The following RNF111 variants were observed in gnomAD, a reference collection of about 807,000 sequenced individuals.
RNF111 encodes the protein E3 ubiquitin-protein ligase Arkadia.
In RNF111, 17 loss-of-function variants were observed where a neutral mutation model predicts 95.1. That is an observed-to-expected ratio of 0.18 (90% confidence interval 0.12 to 0.27). RNF111 has a LOEUF of 0.27. Among genes scored for constraint, RNF111 ranks in the 10% least tolerant of loss-of-function variants. The probability of loss-of-function intolerance (pLI) is 1.00; values close to 1 mark genes in which losing one functional copy is unlikely to be tolerated. For missense variants in RNF111, 1,189 were observed against 1,210.4 expected (o/e 0.98, Z 0.26); for synonymous variants, 440 against 414.8 (o/e 1.06, Z -0.74).
At chr15:59,050,491 A>G (rs1298355913) in intron 2 of RNF111, 1 of 152,252 alleles carries the variant, frequency 6.6e-6, no homozygotes, top group Non-Finnish European at 1.5e-5. Context: ...TTTAAAAAGT[A>G]GACTTACCCT....
intron 3 of RNF111, among the ~76,000 whole-genome samples, chr15:59,052,635 A>G (rs2042039423): frequency 8.3e-6 from 1 of 120,670 alleles, no homozygotes; most frequent in Non-Finnish European, 1.6e-5. Context: ...CTGGACTTCT[A>G]CCCCTTGGCT....
At chr15:59,056,005 T>G (rs1249167559) in intron 4 of RNF111, among the ~76,000 whole-genome samples, 160 bp downstream of exon 4, 1 of 152,230 alleles carries the variant, frequency 6.6e-6, no homozygotes. Flanking sequence ...ATCCTAGGCT[T>G]GTAAATTTAC....
intron 1 of RNF111, chr15:58,988,437 A>G (rs570313337): frequency 1.3e-5 from 2 of 152,614 alleles, no homozygotes; most frequent in Admixed American, 6.5e-5. Context: ...GGAGGGCGCT[A>G]AGTCAGCCCT....
chr15:59,046,988 C>T (rs553913906), intron 2 of RNF111, among the ~76,000 whole-genome samples: 1 of 152,036 alleles, frequency 6.6e-6, no homozygotes, highest in Admixed American at 6.6e-5. Flanking sequence ...CCACCTCAGC[C>T]TCCGGAGTAG....
rs1337186880 is a variant in RNF111, at chr15:59,096,093, A to G, written c.*1193A>G. On this transcript the variant is annotated 3_prime_UTR_variant, in exon 14 of 14. Transcript: ENST00000348370. ...CTTCATACATTACCAAGAGTCGATCACTGATTTAAAATTTTTAATTTCTAT... is the reference window on the plus strand; with the variant it reads ...CTTCATACATTACCAAGAGTCGATCGCTGATTTAAAATTTTTAATTTCTAT... The G allele has an allele frequency of 4.3e-5, 17 of 398,496 alleles. No homozygotes were observed. The highest frequency in any genetic ancestry group is 4.9e-5 in the Non-Finnish European group (11 of 225,832). 24.7% of individuals were successfully genotyped at this position (398,496 alleles called of 1,614,324 possible).
At chr15:59,055,247 C>G (rs1326992688) in intron 3 of RNF111, among the ~76,000 whole-genome samples, 3 of 152,128 alleles carry the variant, frequency 2.0e-5, no homozygotes, top group Admixed American at 2.0e-4. Flanking sequence ...AGAAGCTTAG[C>G]TTGGTTTAGG....
At chr15:59,071,812 C>A (rs1320703080) in intron 6 of RNF111, among the ~76,000 whole-genome samples, 1 of 152,136 alleles carries the variant, frequency 6.6e-6, no homozygotes, top group South Asian at 2.1e-4. Flanking sequence ...ATTCCTAATA[C>A]AAGCATACCT....
intron 12 of RNF111, 43 bp downstream of exon 12, chr15:59,091,197 G>A (rs1415176865): frequency 6.1e-6 from 7 of 1,152,086 alleles, no homozygotes; most frequent in Admixed American, 1.8e-5. Flanking sequence ...TTACTGAAAG[G>A]CATAAATGTA....
chr15:59,006,609 G>C (rs146390613), intron 1 of RNF111, among the ~76,000 whole-genome samples: 274 of 151,994 alleles, frequency 1.8e-3, no homozygotes, highest in African/African-American at 6.4e-3. Context: ...CTATTTTTTT[G>C]CTTTACATTT....
intron 12 of RNF111, 34 bp from the exon 13 acceptor site, chr15:59,092,503 T>C (rs1448968994): frequency 1.3e-6 from 2 of 1,595,498 alleles, no homozygotes; most frequent in East Asian, 2.3e-5. Context: ...ATGTCATCTC[T>C]ACTAATAAGG....
intron 6 of RNF111, among the ~76,000 whole-genome samples, chr15:59,067,439 C>A (rs1330326263): frequency 6.6e-6 from 1 of 152,026 alleles, no homozygotes; most frequent in Non-Finnish European, 1.5e-5. Flanking sequence ...ACCAACCCAC[C>A]TTTCTTTTTT....
chr15:59,055,235 C>T (rs953851700), intron 3 of RNF111, among the ~76,000 whole-genome samples: 3 of 152,132 alleles, frequency 2.0e-5, no homozygotes, highest in Admixed American at 2.0e-4. Context: ...TATGGCAATA[C>T]TAGAAGCTTA....
intron 1 of RNF111, among the ~76,000 whole-genome samples, chr15:59,024,318 T>TA (rs1240563856): frequency 6.6e-6 from 1 of 152,110 alleles, no homozygotes; most frequent in Middle Eastern, 3.4e-3. Flanking sequence ...TTAATGCAAT[T>TA]AAAAAAAATA....
rs149247897 is a variant in RNF111 at position 59,039,170 on chromosome 15, G to A, written c.880+7468G>A. On this transcript the variant is annotated intron_variant, in intron 2 of 13. Transcript: ENST00000348370. ...GTAGAGATGAGGTTTTTCCATGTTG[G>A]TCATGCTGGTCTCGAACTCCTAACC... Among the ~76,000 whole-genome samples the A allele has an allele frequency of 8.5e-5, 13 of 152,080 alleles. No homozygotes were observed. In the East Asian group the frequency reaches 2.5e-3, roughly 29 times the overall value.
Position 59,067,066 on chromosome 15 carries a change from A to G in RNF111, c.1669A>G (p.Thr557Ala). Residue 557 changes from threonine (T) to alanine (A), a missense_variant, in exon 6 of 14, where the codon ACC becomes GCC. Coordinates refer to ENST00000348370, the MANE Select transcript of RNF111 (RefSeq NM_017610.8). ...APCGANSSSGTSYHEQQALPV... is the reference protein window; with the variant it reads ...APCGANSSSGASYHEQQALPV... Reference sequence around the variant, plus strand: ...TTGTGGAGCAAATAGTAGTTCTGGTACCAGCTATCATGAACAGGTATGTGG... The same window carrying G: ...TTGTGGAGCAAATAGTAGTTCTGGTGCCAGCTATCATGAACAGGTATGTGG... 3 of 1,613,862 alleles carry G rather than the reference A, an allele frequency of 1.9e-6. No individual in the cohort carries two copies. The highest frequency in any genetic ancestry group is 1.6e-4 in the Middle Eastern group (1 of 6,062).
chr15:59,071,702 A>T (rs35013771), intron 6 of RNF111, among the ~76,000 whole-genome samples: 44,661 of 151,756 alleles, frequency 0.29, 6,714 homozygotes, highest in Middle Eastern at 0.44. Context: ...AAAAAAAAAA[A>T]AAATAAAGTT....
chr15:59,014,303 GA>G (rs1163378125), intron 1 of RNF111, among the ~76,000 whole-genome samples: 1 of 152,124 alleles, frequency 6.6e-6, no homozygotes, highest in Non-Finnish European at 1.5e-5. Context: ...GTTTTGCCAA[GA>G]AACCTTTGTT....
chr15:59,017,190 C>T (rs564292183), intron 1 of RNF111, among the ~76,000 whole-genome samples: 14 of 151,082 alleles, frequency 9.3e-5, no homozygotes, highest in African/African-American at 2.4e-4. Flanking sequence ...TCTACGAATC[C>T]GTTCCCTGGT....
At chr15:59,031,726 A>G (rs1182434861) in intron 2 of RNF111, 24 bp downstream of exon 2, 1 of 1,599,336 alleles carries the variant, frequency 6.3e-7, no homozygotes, top group Admixed American at 1.7e-5. Flanking sequence ...AGCTGAGTAA[A>G]ACATGGAACC....
Sources: gnomAD v4.1 joint callset for allele counts (sites outside exome capture counted in the v4.1 genomes callset) on GRCh38, gnomAD v4.1.1 for gene constraint, MANE v1.5 for transcripts, NCBI Gene and HGNC (gene_info 2026-07-23, HGNC 2026-07-21) for gene names.